The following ADGRL3 variants were observed in gnomAD, a reference collection of about 807,000 sequenced individuals.
The protein encoded by ADGRL3 is calcium-independent alpha-latrotoxin receptor 3.
ADGRL3 carries 62 observed loss-of-function variants against 153.5 expected under a neutral mutation model. The observed-to-expected ratio is 0.40, with a 90% CI of 0.33 to 0.50. The LOEUF is 0.50. Among genes scored for constraint, ADGRL3 ranks in the 20% least tolerant of loss-of-function variants. The pLI is 0.47. For missense variants in ADGRL3, 1,641 were observed against 1,859.4 expected (o/e 0.88, Z 2.16); for synonymous variants, 710 against 672.5 (o/e 1.06, Z -0.86).
intron 4 of ADGRL3, among the ~76,000 whole-genome samples, chr4:61,584,636 A>G (rs2098939207): frequency 6.6e-6 from 1 of 151,972 alleles, no homozygotes; most frequent in Admixed American, 6.6e-5. Context: ...GATGAATCCA[A>G]TGTTTGGAAG....
chr4:61,507,202 A>T (rs753345781), intron 3 of ADGRL3, among the ~76,000 whole-genome samples: 13 of 152,196 alleles, frequency 8.5e-5, no homozygotes, highest in Non-Finnish European at 1.9e-4. Context: ...TTATTTAATA[A>T]TGAAGACAAA....
chr4:61,556,408 T>A (rs1353469662), intron 4 of ADGRL3, among the ~76,000 whole-genome samples: 6 of 152,002 alleles, frequency 3.9e-5, no homozygotes, highest in Admixed American at 3.3e-4. Context: ...TAAGGCAGAA[T>A]GAGCCGGGGG....
At chr4:61,961,184 T>G (rs1243865705) in intron 17 of ADGRL3, among the ~76,000 whole-genome samples, 1 of 152,116 alleles carries the variant, frequency 6.6e-6, no homozygotes, top group East Asian at 1.9e-4. Context: ...GTTGGTTAAA[T>G]TTTTGCCCAG....
intron 1 of ADGRL3, among the ~76,000 whole-genome samples, chr4:61,338,991 C>T (rs1236334012): frequency 1.3e-5 from 2 of 152,166 alleles, no homozygotes; most frequent in African/African-American, 2.4e-5. Flanking sequence ...ATCTATCCCA[C>T]AGCCCTTATT....
At chr4:61,867,149 A>T (rs956178466) in intron 9 of ADGRL3, among the ~76,000 whole-genome samples, 21 of 152,080 alleles carry the variant, frequency 1.4e-4, no homozygotes, top group African/African-American at 5.1e-4. Flanking sequence ...GGAATTTTGC[A>T]TTATTACAAT....
intron 1 of ADGRL3, among the ~76,000 whole-genome samples, chr4:61,344,882 G>C (rs2095869645): frequency 6.6e-6 from 1 of 151,694 alleles, no homozygotes; most frequent in Non-Finnish European, 1.5e-5. Context: ...CGCCTCCCAG[G>C]TTCAAGCGAT....
chr4:61,934,967 T>C lies in ADGRL3; in HGVS notation c.2240T>C (p.Val747Ala). The change falls in exon 14 of 27, where the codon GTG (valine) becomes GCG (alanine). Residue 747 changes from valine (V) to alanine (A), a missense_variant. Transcript: ENST00000683033. Reference protein sequence around the residue: ...LLHTVEESAFVLADNLLKTDI... With the variant: ...LLHTVEESAFALADNLLKTDI... The stretch of plus-strand genomic sequence containing the variant: ...CATACTGTGGAGGAAAGTGCTTTTG[T>C]GCTGGCTGATAACCTTTTGAAGACT... 1 of 1,613,846 alleles carries C rather than the reference T, an allele frequency of 6.2e-7. No individual in the cohort carries two copies. Among genetic ancestry groups the C allele is most frequent in the South Asian group, 1.1e-5 (1 of 91,082 alleles).
chr4:62,051,173 T>TAA (rs1733987772), intron 25 of ADGRL3, among the ~76,000 whole-genome samples: 1 of 119,202 alleles, frequency 8.4e-6, no homozygotes, highest in Admixed American at 8.2e-5. Context: ...TGTGTGTATA[T>TAA]ATATATATAT....
At chr4:61,389,664 C>T (rs2096780043) in intron 2 of ADGRL3, among the ~76,000 whole-genome samples, 2 of 152,050 alleles carry the variant, frequency 1.3e-5, no homozygotes, top group Non-Finnish European at 2.9e-5. Flanking sequence ...TTCAAAACCA[C>T]AGTCAGAATG....
At chr4:61,991,099 GTATT>G (rs926456932) in intron 19 of ADGRL3, among the ~76,000 whole-genome samples, 1 of 151,482 alleles carries the variant, frequency 6.6e-6, no homozygotes, top group Non-Finnish European at 1.5e-5. Context: ...GCATAGTTAA[GTATT>G]TATTAAATTA....
Position 61,541,148 on chromosome 4 carries a change from A to T in ADGRL3, c.259+23630A>T, listed in dbSNP as rs979927262. Among the ~76,000 whole-genome samples the T allele has an allele frequency of 5.9e-5, 9 of 152,044 alleles. No individual in the cohort carries two copies. In the East Asian group the frequency reaches 1.7e-3, roughly 30 times the overall value. ...TAGGAAGTGAAAGATCCTGGGTGAG[A>T]TGGGTAGAAGGAGTTCGTGGCCCCA... On this transcript the variant is annotated intron_variant, in intron 4 of 26. Transcript: ENST00000683033.
intron 2 of ADGRL3, among the ~76,000 whole-genome samples, chr4:61,454,480 G>A (rs979311181): frequency 6.6e-6 from 1 of 151,948 alleles, no homozygotes; most frequent in African/African-American, 2.4e-5. Context: ...GACTTTTTTG[G>A]TGAGAAGTAT....
chr4:61,292,034 T>A (rs2150176324), intron 1 of ADGRL3, among the ~76,000 whole-genome samples: 1 of 151,526 alleles, frequency 6.6e-6, no homozygotes, highest in Non-Finnish European at 1.5e-5. Flanking sequence ...GAGAAAATAT[T>A]CCACATATTA....
At chr4:61,357,687 C>T (rs115607733) in intron 1 of ADGRL3, among the ~76,000 whole-genome samples, 1,617 of 152,132 alleles carry the variant, frequency 0.011, 28 homozygotes, top group African/African-American at 0.038. Flanking sequence ...AATTTGGCCC[C>T]TGTGAAAATA....
chr4:61,756,400 T>C lies in ADGRL3; in HGVS notation c.1399+22846T>C, dbSNP rs2096830925. ...GAAGCAATTGTGAATGGGAGTTCACTCACGATTTGGCTCTCTGTTTGTCTG... is the reference window on the plus strand; with the variant it reads ...GAAGCAATTGTGAATGGGAGTTCACCCACGATTTGGCTCTCTGTTTGTCTG... On this transcript the variant is annotated intron_variant, in intron 8 of 26. Coordinates refer to ENST00000683033, the MANE Select transcript of ADGRL3 (RefSeq NM_001387552.1). Among the ~76,000 whole-genome samples, 15 of 152,352 alleles carry C rather than the reference T, an allele frequency of 9.8e-5. No individual in the cohort carries two copies. In the South Asian group the frequency reaches 3.1e-3, roughly 32 times the overall value.
chr4:61,241,725 T>C (rs1179568350), intron 1 of ADGRL3, among the ~76,000 whole-genome samples: 1 of 152,054 alleles, frequency 6.6e-6, no homozygotes, highest in Non-Finnish European at 1.5e-5. Context: ...CCTTTTTACT[T>C]GTGAGCACAG....
chr4:61,903,022 A>C (rs1041389921), intron 11 of ADGRL3, among the ~76,000 whole-genome samples: 8 of 152,222 alleles, frequency 5.3e-5, no homozygotes, highest in African/African-American at 1.9e-4. Flanking sequence ...ATGAACAATC[A>C]GTGAAATAAT....
At chr4:61,739,260 G>A (rs1311660168) in intron 8 of ADGRL3, among the ~76,000 whole-genome samples, 6 of 151,414 alleles carry the variant, frequency 4.0e-5, no homozygotes, top group African/African-American at 1.5e-4. Context: ...GATTCATATT[G>A]TAATAATCTT....
At chr4:61,359,077 A>G (rs1331289952) in intron 1 of ADGRL3, among the ~76,000 whole-genome samples, 2 of 152,088 alleles carry the variant, frequency 1.3e-5, no homozygotes, top group African/African-American at 4.8e-5. Context: ...AAAAACATTG[A>G]CTTCTTCCTC....
Sources: gnomAD v4.1 joint callset for allele counts (sites outside exome capture counted in the v4.1 genomes callset) on GRCh38, gnomAD v4.1.1 for gene constraint, MANE v1.5 for transcripts, NCBI Gene and HGNC (gene_info 2026-07-23, HGNC 2026-07-21) for gene names.